The following CAMK2D variants were observed in gnomAD, a reference collection of about 807,000 sequenced individuals.
The protein encoded by CAMK2D is calcium/calmodulin-dependent protein kinase type II subunit delta.
Under a neutral mutation model 84.0 loss-of-function variants are expected in CAMK2D, and 37 were observed. The ratio of observed to expected loss-of-function variants is 0.44; its 90% CI spans 0.34 to 0.58. CAMK2D has a LOEUF of 0.58. CAMK2D is among the 20% of genes least tolerant of loss of function. CAMK2D has a pLI of 0.02. For missense variants in CAMK2D, 448 were observed against 652.5 expected (o/e 0.69, Z 3.41); for synonymous variants, 202 against 212.5 (o/e 0.95, Z 0.43).
intron 13 of CAMK2D, 88 bp from the exon 14 acceptor site, chr4:113,505,123 T>TAGAC (rs2154154328): frequency 1.6e-6 from 1 of 641,928 alleles, no homozygotes; most frequent in East Asian, 3.1e-5. Flanking sequence ...CATAGAGATG[T>TAGAC]AGACATGAAG....
At chr4:113,542,096 C>T (rs986083544) in intron 6 of CAMK2D, among the ~76,000 whole-genome samples, 1 of 152,164 alleles carries the variant, frequency 6.6e-6, no homozygotes, top group Non-Finnish European at 1.5e-5. Context: ...TATTCATTTA[C>T]TTCCACATTA....
At chr4:113,681,037 G>A (rs1314509425) in intron 2 of CAMK2D, among the ~76,000 whole-genome samples, 4 of 152,230 alleles carry the variant, frequency 2.6e-5, no homozygotes, top group Middle Eastern at 3.4e-3. Context: ...ATGAAGTGCT[G>A]GAAGACCCAG....
chr4:113,625,557 A>T lies in CAMK2D; in HGVS notation c.221-16351T>A, dbSNP rs1024228069. On this transcript the variant is annotated intron_variant, in intron 3 of 20. Transcript: ENST00000511664. The stretch of plus-strand genomic sequence containing the variant: ...ACCATATGGAAGATAGACAAAAGCA[A>T]ATACAAAGATCCTATAGCAAGACTT... Among the ~76,000 whole-genome samples, 3 of 152,174 alleles carry T rather than the reference A, an allele frequency of 2.0e-5. 1 individual carries two copies. In the East Asian group the frequency reaches 5.8e-4, roughly 29 times the overall value.
intron 4 of CAMK2D, among the ~76,000 whole-genome samples, chr4:113,570,982 A>G (rs2098750748): frequency 6.6e-6 from 1 of 152,226 alleles, no homozygotes; most frequent in African/African-American, 2.4e-5. Flanking sequence ...AAAATGGACA[A>G]AGGACCTGAA....
intron 2 of CAMK2D, among the ~76,000 whole-genome samples, chr4:113,691,238 C>A (rs2099386168): frequency 6.6e-6 from 1 of 152,202 alleles, no homozygotes; most frequent in Non-Finnish European, 1.5e-5. Context: ...GAAAACTCTA[C>A]CTAGTTTGCA....
At chr4:113,484,703 C>T (rs2097747978) in intron 16 of CAMK2D, among the ~76,000 whole-genome samples, 1 of 152,092 alleles carries the variant, frequency 6.6e-6, no homozygotes, top group Admixed American at 6.5e-5. Context: ...TCCTTTATAG[C>T]CTTAGAGCTA....
chr4:113,465,644 A>G, intron 16 of CAMK2D, 40 bp from the exon 17 acceptor site: 4 of 1,182,152 alleles, frequency 3.4e-6, no homozygotes, highest in Non-Finnish European at 5.0e-6. Flanking sequence ...AATAAAAGAC[A>G]AAAGTCATAT....
At chr4:113,505,308 A>C (rs936816479) in intron 13 of CAMK2D, among the ~76,000 whole-genome samples, 25 of 152,204 alleles carry the variant, frequency 1.6e-4, no homozygotes, top group African/African-American at 5.5e-4. Context: ...GCTTCAGTGG[A>C]GCTCCAATCA....
chr4:113,710,930 T>C (rs185797910), intron 2 of CAMK2D, among the ~76,000 whole-genome samples: 8 of 152,266 alleles, frequency 5.3e-5, no homozygotes, highest in African/African-American at 1.7e-4. Flanking sequence ...TTCTTTGGAC[T>C]AATTCTGGAA....
intron 4 of CAMK2D, among the ~76,000 whole-genome samples, chr4:113,568,065 T>G (rs887210563): frequency 6.6e-6 from 1 of 152,206 alleles, no homozygotes; most frequent in African/African-American, 2.4e-5. Context: ...TATTTTTTTA[T>G]GGAAAAGTGA....
chr4:113,565,491 A>G (rs2098718642), intron 4 of CAMK2D, among the ~76,000 whole-genome samples: 1 of 152,048 alleles, frequency 6.6e-6, no homozygotes, highest in Non-Finnish European at 1.5e-5. Context: ...TCTCTACCAA[A>G]AATACAAAAA....
intron 3 of CAMK2D, among the ~76,000 whole-genome samples, chr4:113,641,993 A>G (rs1232537223): frequency 2.6e-5 from 4 of 152,140 alleles, no homozygotes; most frequent in African/African-American, 9.7e-5. Context: ...CTGGGCAACA[A>G]GAGCGAAACT....
chr4:113,476,139 T>C lies in CAMK2D; in HGVS notation c.1136-10535A>G, dbSNP rs538373021. Among the ~76,000 whole-genome samples the C allele has an allele frequency of 7.2e-5, 11 of 152,266 alleles. No homozygotes were observed. In the East Asian group the frequency reaches 1.2e-3, roughly 16 times the overall value. On this transcript the variant is annotated intron_variant, in intron 16 of 20. Transcript: ENST00000511664. The stretch of plus-strand genomic sequence containing the variant: ...GAGTATGTTGCATTCATCTATGGCA[T>C]TGTAGATCCAAAGGCCAGGGCTCAA...
chr4:113,647,895 A>G (rs1252332033), intron 3 of CAMK2D, among the ~76,000 whole-genome samples: 1 of 152,250 alleles, frequency 6.6e-6, no homozygotes, highest in African/African-American at 2.4e-5. Context: ...TGAGAATAAC[A>G]TTTGAAAACC....
chr4:113,626,140 G>A (rs1054396797), intron 3 of CAMK2D, among the ~76,000 whole-genome samples: 1 of 152,162 alleles, frequency 6.6e-6, no homozygotes, highest in Non-Finnish European at 1.5e-5. Context: ...CTGAGAGAGT[G>A]GGATGTGAGA....
At position 113,617,104 on chromosome 4, in the gene CAMK2D, G is replaced by C. The variant is rs1242455367; in HGVS notation, c.221-7898C>G. On this transcript the variant is annotated intron_variant, in intron 3 of 20. Transcript: ENST00000511664. ...TCCTTTCTTCTTGCCTTATGTTTTT[G>C]TTATTCTATCTTCCACTATGTATTG... 2.0e-5 allele frequency among the ~76,000 whole-genome samples: 3 copies of C among 151,894 alleles called. No individual in the cohort carries two copies. The East Asian group carries it at 5.8e-4, about 29-fold the overall frequency.
At chr4:113,556,237 G>C in intron 4 of CAMK2D, among the ~76,000 whole-genome samples, 1 of 152,120 alleles carries the variant, frequency 6.6e-6, no homozygotes, top group East Asian at 1.9e-4. Context: ...TGGAGATTAA[G>C]GTCATTTCCC....
intron 19 of CAMK2D, chr4:113,457,130 C>G: frequency 7.5e-7 from 1 of 1,337,452 alleles, no homozygotes; most frequent in South Asian, 1.5e-5. Context: ...ATATACTGCT[C>G]TATAGCAAGT....
chr4:113,479,338 A>G (rs2097670566), intron 16 of CAMK2D, among the ~76,000 whole-genome samples: 2 of 152,200 alleles, frequency 1.3e-5, no homozygotes, highest in Non-Finnish European at 2.9e-5. Flanking sequence ...GGCAAAATTG[A>G]GCCAATTTTT....
Sources: gnomAD v4.1 joint callset for allele counts (sites outside exome capture counted in the v4.1 genomes callset) on GRCh38, gnomAD v4.1.1 for gene constraint, MANE v1.5 for transcripts, NCBI Gene and HGNC (gene_info 2026-07-23, HGNC 2026-07-21) for gene names.